Variants in SMCHD1 observed in about 807,000 individuals in gnomAD.
The protein encoded by SMCHD1 is structural maintenance of chromosomes flexible hinge domain-containing protein 1.
A neutral mutation model predicts 254.7 loss-of-function variants in SMCHD1; 78 were observed. The observed-to-expected ratio is 0.31, with a 90% CI of 0.26 to 0.37. SMCHD1 has a LOEUF of 0.37. SMCHD1 is among the 10% of genes least tolerant of loss of function. The pLI, the probability that SMCHD1 is intolerant of heterozygous loss-of-function variation, is 1.00. For missense variants in SMCHD1, 1,840 were observed against 2,408.1 expected, an observed-to-expected ratio of 0.76 and a Z score of 4.94; for synonymous variants, 766 against 794.9, an observed-to-expected ratio of 0.96 and a Z score of 0.61.
Position 2,666,203 on chromosome 18 carries a change from G to A in SMCHD1, c.233G>A (p.Ser78Asn). ...GAAAAATTTGTTATTACAACAACAA[G>A]TAGGAAAGAAATTACCTGTGATAAT... Reference protein sequence around the residue: ...PEEKFVITTTSRKEITCDNFD... With the variant: ...PEEKFVITTTNRKEITCDNFD... The change falls in exon 2 of 48, where the codon AGT becomes AAT. Residue 78 changes from serine (S) to asparagine (N), a missense_variant. Ser to Asn is a conservative substitution (Grantham distance 46). Transcript: ENST00000320876. 1 of 1,554,704 alleles carries A rather than the reference G, an allele frequency of 6.4e-7. No individual in the cohort carries two copies. Among genetic ancestry groups the A allele is most frequent in the Non-Finnish European group, 8.8e-7 (1 of 1,132,512 alleles).
At chr18:2,706,683 TA>T in intron 15 of SMCHD1, 1 of 408,438 alleles carries the variant, frequency 2.4e-6, no homozygotes, top group Non-Finnish European at 4.4e-6. Context: ...AAGGAAATCT[TA>T]TATATCTAAA....
rs765293485 is a variant in SMCHD1 at position 2,751,261 on chromosome 18, A to G, written c.4166-17A>G. On this transcript the variant is annotated splice_polypyrimidine_tract_variant and intron_variant, in intron 32 of 47. Coordinates refer to ENST00000320876, the MANE Select transcript of SMCHD1 (RefSeq NM_015295.3). ...TTGAACTAGAAAGAGATAATTTTTT[A>G]ACGTTTACCATGACAGATTTTATGA... 1.6e-5 allele frequency: 23 copies of G among 1,401,116 alleles called. No individual in the cohort carries two copies. The South Asian group carries it at 2.7e-4, about 17-fold the overall frequency. 86.8% of individuals were successfully genotyped at this position (1,401,116 alleles called of 1,614,324 possible).
At chr18:2,750,232 T>G (rs2075545752) in intron 31 of SMCHD1, 110 bp downstream of exon 31, 1 of 1,397,082 alleles carries the variant, frequency 7.2e-7, no homozygotes, top group Non-Finnish European at 9.8e-7. Flanking sequence ...AGGCAAGAGT[T>G]GGGACTGAAT....
Position 2,694,817 on chromosome 18 carries a change from T to G in SMCHD1, c.1040+124T>G, listed in dbSNP as rs1289501993. ...TCCTGTCTCATTTTCTTCCCTTTAG[T>G]ATTATCCAGTACTCTGATATTGGTG... On this transcript the variant is annotated intron_variant, in intron 8 of 47. Transcript: ENST00000320876. The G allele has an allele frequency of 5.8e-5, 43 of 735,844 alleles. No homozygotes were observed. In the East Asian group the frequency reaches 1.1e-3, roughly 19 times the overall value. 45.6% of individuals were successfully genotyped at this position (735,844 alleles called of 1,614,324 possible). A position where few individuals can be genotyped will look rare whatever the true frequency, so the allele number is the denominator to read the frequency against.
intron 17 of SMCHD1, among the ~76,000 whole-genome samples, chr18:2,709,236 A>G (rs1052548274): frequency 1.1e-4 from 11 of 97,926 alleles, no homozygotes; most frequent in South Asian, 3.2e-4. Flanking sequence ...ATATGTGTAT[A>G]TATATATATA....
intron 37 of SMCHD1, among the ~76,000 whole-genome samples, chr18:2,768,183 G>A (rs1015220487): frequency 2.0e-5 from 3 of 151,514 alleles, no homozygotes; most frequent in Admixed American, 6.6e-5. Flanking sequence ...AAGACAAACC[G>A]GTAGAAAAAT....
chr18:2,748,050 C>T (rs72864675), intron 30 of SMCHD1, among the ~76,000 whole-genome samples: 1,764 of 152,220 alleles, frequency 0.012, 17 homozygotes, highest in Non-Finnish European at 0.018. Context: ...AAAAGTCTTG[C>T]AGGTACCTAT....
At chr18:2,781,730 A>G (rs906788741) in intron 44 of SMCHD1, among the ~76,000 whole-genome samples, 9 of 152,194 alleles carry the variant, frequency 5.9e-5, no homozygotes, top group African/African-American at 2.2e-4. Flanking sequence ...TAGAAATTAA[A>G]TACTAACTGA....
chr18:2,797,451 A>G (rs975254781), intron 47 of SMCHD1, among the ~76,000 whole-genome samples: 1 of 152,162 alleles, frequency 6.6e-6, no homozygotes, highest in African/African-American at 2.4e-5. Context: ...CCTTGAAACT[A>G]TGGTGTTTGG....
At chr18:2,708,915 T>TAAC (rs1568199432) in intron 17 of SMCHD1, among the ~76,000 whole-genome samples, 907 of 90,360 alleles carry the variant, frequency 0.01, 86 homozygotes, top group Middle Eastern at 0.015. Context: ...TATAACATAT[T>TAAC]AACATGAAAT....
At chr18:2,763,484 C>T (rs1391221868) in intron 36 of SMCHD1, among the ~76,000 whole-genome samples, 153 bp from the exon 37 acceptor site, 1 of 152,176 alleles carries the variant, frequency 6.6e-6, no homozygotes, top group African/African-American at 2.4e-5. Flanking sequence ...GTGGAACACT[C>T]AAACTTAGAA....
intron 44 of SMCHD1, among the ~76,000 whole-genome samples, chr18:2,781,855 C>T (rs1405786657): frequency 6.6e-6 from 1 of 152,046 alleles, no homozygotes; most frequent in Non-Finnish European, 1.5e-5. Context: ...GTTGAAGAGA[C>T]ATGGAGGGTA....
intron 34 of SMCHD1, chr18:2,752,834 A>C: frequency 3.7e-6 from 1 of 267,882 alleles, no homozygotes; most frequent in Non-Finnish European, 7.0e-6. Flanking sequence ...ACTTCTTATT[A>C]TATAGGAGGT....
In SMCHD1 at chr18:2,803,192, G is replaced by A. The variant is rs1042259371; in HGVS notation, c.*640G>A. ...CAAAAGACTTATCCTGTGTGTGTGT[G>A]TGTGTGTATATATATATATATATAT... On this transcript the variant is annotated 3_prime_UTR_variant, in exon 48 of 48. Coordinates refer to ENST00000320876, the MANE Select transcript of SMCHD1 (RefSeq NM_015295.3). 1 of 112,836 alleles carries A rather than the reference G, an allele frequency of 8.9e-6. No individual in the cohort carries two copies. Among genetic ancestry groups the A allele is most frequent in the Non-Finnish European group, 1.9e-5 (1 of 51,498 alleles). The allele number at this position is 112,836 out of a possible 1,614,324, so 7.0% of individuals were successfully genotyped here.
chr18:2,713,842 A>G (rs1301799555), intron 17 of SMCHD1, among the ~76,000 whole-genome samples: 1 of 152,154 alleles, frequency 6.6e-6, no homozygotes, highest in Non-Finnish European at 1.5e-5. Flanking sequence ...AAGTTACTTG[A>G]TATGATTCTG....
intron 5 of SMCHD1, among the ~76,000 whole-genome samples, chr18:2,684,213 T>A (rs997430958): frequency 2.0e-5 from 3 of 152,060 alleles, no homozygotes; most frequent in Admixed American, 6.6e-5. Context: ...TATAAAAGAA[T>A]GTTTAGAAAG....
At chr18:2,672,212 G>T (rs116817115) in intron 3 of SMCHD1, among the ~76,000 whole-genome samples, 21 of 152,002 alleles carry the variant, frequency 1.4e-4, no homozygotes, top group African/African-American at 4.6e-4. Flanking sequence ...GTGCTTGCTG[G>T]AGTGCTACTT....
chr18:2,731,840 A>G (rs2075146253), intron 24 of SMCHD1, among the ~76,000 whole-genome samples: 2 of 152,208 alleles, frequency 1.3e-5, no homozygotes, highest in Non-Finnish European at 2.9e-5. Context: ...GGTGAAACCC[A>G]TCTCTGCTGA....
chr18:2,731,089 A>G (rs983910093), intron 24 of SMCHD1, among the ~76,000 whole-genome samples: 5 of 152,216 alleles, frequency 3.3e-5, no homozygotes, highest in African/African-American at 9.6e-5. Flanking sequence ...ATGTTATCCA[A>G]TGGCAATAAC....
Sources: gnomAD v4.1 joint callset for allele counts (sites outside exome capture counted in the v4.1 genomes callset) on GRCh38, gnomAD v4.1.1 for gene constraint, MANE v1.5 for transcripts, NCBI Gene and HGNC (gene_info 2026-07-23, HGNC 2026-07-21) for gene names.